The following NUDCD3 variants were observed in gnomAD, a reference collection of about 807,000 sequenced individuals.
NUDCD3 encodes nudC domain-containing protein 3.
NUDCD3 carries 13 observed loss-of-function variants against 39.7 expected under a neutral mutation model. The observed-to-expected ratio is 0.33, with a 90% CI of 0.21 to 0.52. The LOEUF is 0.52. Ranked by LOEUF, NUDCD3 falls within the 20% of genes least tolerant of loss-of-function variation. The pLI is 0.96. For synonymous variants in NUDCD3, 175 were observed against 172.4 expected, an observed-to-expected ratio of 1.02 and a Z score of -0.12; for missense variants, 453 against 458.1, an observed-to-expected ratio of 0.99 and a Z score of 0.10.
At chr7:44,454,051 T>C (rs1301548974) in intron 2 of NUDCD3, among the ~76,000 whole-genome samples, 1 of 149,284 alleles carries the variant, frequency 6.7e-6, no homozygotes, top group African/African-American at 2.5e-5. Flanking sequence ...TCAAAAAAAA[T>C]AATAAAGGCC....
intron 2 of NUDCD3, among the ~76,000 whole-genome samples, chr7:44,464,718 G>A (rs1366929794): frequency 1.3e-5 from 2 of 152,044 alleles, no homozygotes; most frequent in Non-Finnish European, 2.9e-5. Context: ...CCTCCCAAAG[G>A]GCTAGGATTA....
At chr7:44,475,620 C>G (rs1335456189) in intron 2 of NUDCD3, among the ~76,000 whole-genome samples, 1 of 151,850 alleles carries the variant, frequency 6.6e-6, no homozygotes, top group Non-Finnish European at 1.5e-5. Flanking sequence ...ATTAGCCAGG[C>G]ATGGTGGTAC....
chr7:44,424,836 T>C (rs1380588610), intron 3 of NUDCD3, among the ~76,000 whole-genome samples: 1 of 152,190 alleles, frequency 6.6e-6, no homozygotes, highest in Non-Finnish European at 1.5e-5. Context: ...TAAAGATACA[T>C]GCACATGTAT....
chr7:44,451,381 C>A (rs966669500), intron 2 of NUDCD3, among the ~76,000 whole-genome samples: 3 of 152,152 alleles, frequency 2.0e-5, no homozygotes, highest in Non-Finnish European at 4.4e-5. Flanking sequence ...AGTTTGAGAA[C>A]AGACTTTTAA....
At chr7:44,467,832 G>T in intron 2 of NUDCD3, 30 of 869,324 alleles carry the variant, frequency 3.5e-5, no homozygotes, top group Non-Finnish European at 4.3e-5. Context: ...AAAAAAAAAA[G>T]AAAAGAAAAG....
chr7:44,430,410 T>C (rs562394016), intron 2 of NUDCD3, among the ~76,000 whole-genome samples: 5 of 152,294 alleles, frequency 3.3e-5, no homozygotes, highest in Admixed American at 1.3e-4. Flanking sequence ...TGCTTAAACA[T>C]GCAGAGAATA....
At chr7:44,424,706 C>T (rs1456281313) in intron 3 of NUDCD3, among the ~76,000 whole-genome samples, 5 of 152,102 alleles carry the variant, frequency 3.3e-5, no homozygotes, top group Non-Finnish European at 5.9e-5. Context: ...TAAATTAGTT[C>T]AACCATTGTG....
chr7:44,414,087 T>C (rs997373406), intron 3 of NUDCD3, among the ~76,000 whole-genome samples: 5 of 151,868 alleles, frequency 3.3e-5, no homozygotes, highest in Non-Finnish European at 7.4e-5. Flanking sequence ...CCTTTCAATA[T>C]AGCAACTACA....
rs1799263913 is a variant in NUDCD3, at chr7:44,427,664, A to C, written c.549T>G (p.Asn183Lys). 4 of 1,614,014 alleles carry C rather than the reference A, an allele frequency of 2.5e-6. No homozygotes were observed. The highest frequency in any genetic ancestry group is 3.4e-6 in the Non-Finnish European group (4 of 1,179,926). Residue 183 changes from asparagine (N) to lysine (K), a missense_variant, in exon 3 of 6, where the codon AAT (asparagine) becomes AAG (lysine). Coordinates refer to ENST00000355451, the MANE Select transcript of NUDCD3 (RefSeq NM_015332.4). Reference sequence around the variant, plus strand: ...AGGTGTAGTTCTCTCGGACAGCACCATTGTAACTGTCGGGATTTTTCTGGA... The same window carrying C: ...AGGTGTAGTTCTCTCGGACAGCACCCTTGTAACTGTCGGGATTTTTCTGGA... ...EQFQKNPDSY[N>K]GAVRENYTWS...
chr7:44,390,771 G>A (rs893142190), intron 5 of NUDCD3, among the ~76,000 whole-genome samples: 1 of 152,086 alleles, frequency 6.6e-6, no homozygotes, highest in Non-Finnish European at 1.5e-5. Context: ...CTACCCACAG[G>A]GCAAAGGTTC....
intron 2 of NUDCD3, among the ~76,000 whole-genome samples, chr7:44,465,579 T>C (rs1800101937): frequency 6.6e-6 from 1 of 152,174 alleles, no homozygotes; most frequent in South Asian, 2.1e-4. Context: ...AAATAAACTG[T>C]ATTAACCAAA....
Position 44,423,533 on chromosome 7 carries a change from C to A in NUDCD3, c.642+4038G>T, listed in dbSNP as rs1799180162. On this transcript the variant is annotated intron_variant, in intron 3 of 5. Transcript: ENST00000355451. ...AGAGAGCCAAGTCATGAGTGAACTCCCATCCGCAATTGCTACAAAGAAAAT... is the reference window on the plus strand; with the variant it reads ...AGAGAGCCAAGTCATGAGTGAACTCACATCCGCAATTGCTACAAAGAAAAT... 3.3e-5 allele frequency among the ~76,000 whole-genome samples: 5 copies of A among 152,024 alleles called. No homozygotes were observed. The South Asian group carries it at 1.0e-3, about 32-fold the overall frequency.
chr7:44,392,649 A>AC (rs1311564231), intron 4 of NUDCD3, 164 bp from the exon 5 acceptor site: 1 of 618,998 alleles, frequency 1.6e-6, no homozygotes, highest in African/African-American at 1.8e-5. Flanking sequence ...CCAAGGCAGG[A>AC]CCCTCTGTGC....
In NUDCD3 at chr7:44,457,453, T is replaced by C. The variant is rs553598081; in HGVS notation, c.509+27515A>G. Among the ~76,000 whole-genome samples, 6 of 152,308 alleles carry C rather than the reference T, an allele frequency of 3.9e-5. No homozygotes were observed. In the South Asian group the frequency reaches 6.2e-4, roughly 16 times the overall value. ...TAAAAACTATGCATTAATAAACAAATTTAGCAAAGCTGCAGGTTACAAGAT... is the reference window on the plus strand; with the variant it reads ...TAAAAACTATGCATTAATAAACAAACTTAGCAAAGCTGCAGGTTACAAGAT... On this transcript the variant is annotated intron_variant, in intron 2 of 5. Coordinates refer to ENST00000355451, the MANE Select transcript of NUDCD3 (RefSeq NM_015332.4).
chr7:44,465,636 T>C (rs1800102944), intron 2 of NUDCD3, among the ~76,000 whole-genome samples: 1 of 152,186 alleles, frequency 6.6e-6, no homozygotes, highest in Non-Finnish European at 1.5e-5. Context: ...GCTTGTATTT[T>C]CATAGACTAT....
chr7:44,405,263 G>A (rs1407312417), intron 3 of NUDCD3, among the ~76,000 whole-genome samples: 2 of 152,158 alleles, frequency 1.3e-5, no homozygotes, highest in African/African-American at 2.4e-5. Flanking sequence ...TCCTCCCTCT[G>A]AGCCTGTCCT....
chr7:44,445,258 C>T (rs1391256461), intron 2 of NUDCD3, among the ~76,000 whole-genome samples: 1 of 152,236 alleles, frequency 6.6e-6, no homozygotes, highest in Non-Finnish European at 1.5e-5. Context: ...TGACTGACTG[C>T]TGCCTATTAA....
chr7:44,393,628 G>A (rs1294033440), intron 4 of NUDCD3, among the ~76,000 whole-genome samples: 1 of 152,208 alleles, frequency 6.6e-6, no homozygotes, highest in African/African-American at 2.4e-5. Flanking sequence ...TACTTGATCT[G>A]TGTTTAGATT....
At chr7:44,479,240 A>G (rs1800440073) in intron 2 of NUDCD3, among the ~76,000 whole-genome samples, 1 of 152,228 alleles carries the variant, frequency 6.6e-6, no homozygotes, top group Non-Finnish European at 1.5e-5. Flanking sequence ...CATACTGGTC[A>G]TCTATCTTGA....
Sources: gnomAD v4.1 joint callset for allele counts (sites outside exome capture counted in the v4.1 genomes callset) on GRCh38, gnomAD v4.1.1 for gene constraint, MANE v1.5 for transcripts, NCBI Gene and HGNC (gene_info 2026-07-23, HGNC 2026-07-21) for gene names.